ATP9A: variants seen among roughly 807,000 people sequenced by gnomAD.
ATP9A encodes probable phospholipid-transporting ATPase IIA.
ATP9A carries 52 observed loss-of-function variants against 144.1 expected under a neutral mutation model. That is an observed-to-expected ratio of 0.36 (90% CI 0.29 to 0.45). ATP9A has a LOEUF of 0.45. ATP9A is among the 20% of genes least tolerant of loss of function. The pLI is 1.00. For synonymous variants in ATP9A, 582 were observed against 557.4 expected (o/e 1.04, Z -0.62); for missense variants, 947 against 1,392.7 (o/e 0.68, Z 5.09).
At chr20:51,721,404 G>A (rs1240816830) in intron 3 of ATP9A, among the ~76,000 whole-genome samples, 3 of 152,152 alleles carry the variant, frequency 2.0e-5, no homozygotes, top group African/African-American at 7.2e-5. Context: ...GTGGATTCCT[G>A]AGCCCAGGAG....
rs768248946 is a variant in ATP9A, at chr20:51,639,460, C to T, written c.1551G>A (p.Val517=). ...QWTESVGLTL[V]GRDQSSMQLR... is the part of the protein sequence containing the mutation. ...GCTGCATGGAAGACTGGTCTCGGCC[C>T]ACCAGGGTTAAGCCCACACTTTCCG... Residue 517 remains valine (V), a synonymous_variant, in exon 15 of 28, where the codon GTG becomes GTA. Transcript: ENST00000338821. 6.2e-7 allele frequency: 1 copy of T among 1,613,736 alleles called. No individual in the cohort carries two copies. Among genetic ancestry groups the T allele is most frequent in the Non-Finnish European group, 8.5e-7 (1 of 1,179,780 alleles).
At chr20:51,743,395 G>GCTTTTTT (rs1489280599) in intron 1 of ATP9A, among the ~76,000 whole-genome samples, 1 of 43,430 alleles carries the variant, frequency 2.3e-5, no homozygotes. Context: ...GACCGAAACT[G>GCTTTTTT]ATTTTTTTTT....
chr20:51,657,081 G>C lies in ATP9A; in HGVS notation c.1363C>G (p.Arg455Gly). The C allele has an allele frequency of 6.2e-7, 1 of 1,614,204 alleles. No homozygotes were observed. Among genetic ancestry groups the C allele is most frequent in the Non-Finnish European group, 8.5e-7 (1 of 1,180,052 alleles). The change falls in exon 14 of 28, where the codon CGC becomes GGC. Residue 455 changes from arginine to glycine, a missense_variant. Transcript: ENST00000338821. ...TTKVRRTMSSRVHEAVKAIAL... is the reference protein window; with the variant it reads ...TTKVRRTMSSGVHEAVKAIAL... ...ATGGCCTTCACGGCTTCGTGCACGC[G>C]GCTGCTCATGGTCCGCCGGACCTTA...
chr20:51,744,704 T>C (rs1408886604), intron 1 of ATP9A, among the ~76,000 whole-genome samples: 1 of 152,324 alleles, frequency 6.6e-6, no homozygotes, highest in Non-Finnish European at 1.5e-5. Flanking sequence ...GGAGTTCCCC[T>C]ATAATCAGTT....
intron 25 of ATP9A, among the ~76,000 whole-genome samples, chr20:51,608,295 T>C (rs1245879154): frequency 6.6e-6 from 1 of 152,186 alleles, no homozygotes; most frequent in Admixed American, 6.5e-5. Flanking sequence ...TTACTGTACT[T>C]TTTCACGTTC....
rs572123639 is a variant in ATP9A, at chr20:51,728,470, T to C, written c.213+1364A>G. Among the ~76,000 whole-genome samples the C allele has an allele frequency of 3.3e-5, 5 of 151,884 alleles. No homozygotes were observed. The South Asian group carries it at 8.3e-4, about 25-fold the overall frequency. ...GGTGAAACTCCGTCTCTACTAAAAA[T>C]ACAAAAAATTAGCCGGGCGTGGTGG... On this transcript the variant is annotated intron_variant, in intron 2 of 27. Coordinates refer to ENST00000338821, the MANE Select transcript of ATP9A (RefSeq NM_006045.3).
At chr20:51,740,771 C>T (rs1234114493) in intron 1 of ATP9A, among the ~76,000 whole-genome samples, 1 of 147,916 alleles carries the variant, frequency 6.8e-6, no homozygotes, top group Non-Finnish European at 1.5e-5. Flanking sequence ...AAGACAGTCT[C>T]ACTATGTTGC....
intron 14 of ATP9A, among the ~76,000 whole-genome samples, chr20:51,655,522 C>A (rs191249842): frequency 1.3e-5 from 2 of 152,134 alleles, no homozygotes; most frequent in Admixed American, 6.5e-5. Flanking sequence ...AATAAGCATA[C>A]GAAAAGACGC....
chr20:51,761,162 G>A (rs1443380947), intron 1 of ATP9A, among the ~76,000 whole-genome samples: 1 of 152,116 alleles, frequency 6.6e-6, no homozygotes, highest in Non-Finnish European at 1.5e-5. Context: ...AACATCAAAG[G>A]GCCATTGTGC....
chr20:51,747,824 C>T (rs182527526), intron 1 of ATP9A, among the ~76,000 whole-genome samples: 10 of 152,290 alleles, frequency 6.6e-5, no homozygotes, highest in Admixed American at 6.5e-4. Context: ...CCAAGGCTCT[C>T]ACCTTCTCAC....
At chr20:51,602,897 G>C (rs929339442) in intron 27 of ATP9A, among the ~76,000 whole-genome samples, 42 of 152,090 alleles carry the variant, frequency 2.8e-4, no homozygotes, top group African/African-American at 9.2e-4. Context: ...TCCTTTATAC[G>C]TAAAAGGTTA....
chr20:51,727,239 C>T (rs2077718680), intron 2 of ATP9A, among the ~76,000 whole-genome samples: 1 of 151,152 alleles, frequency 6.6e-6, no homozygotes, highest in African/African-American at 2.4e-5. Context: ...CGCGCCACTA[C>T]ACTCCAGCCT....
At chr20:51,671,305 T>A (rs2077455030) in intron 11 of ATP9A, 48 bp from the exon 12 acceptor site, 2 of 1,583,300 alleles carry the variant, frequency 1.3e-6, no homozygotes, top group African/African-American at 2.7e-5. Context: ...GATGTAAGGC[T>A]CCTTGTATCT....
intron 9 of ATP9A, among the ~76,000 whole-genome samples, chr20:51,681,427 C>CTTTTTTTT (rs66579534): frequency 4.6e-5 from 6 of 131,616 alleles, no homozygotes; most frequent in African/African-American, 5.8e-5. Context: ...TCCTAAATTT[C>CTTTTTTTT]TTTTTTTTTT....
chr20:51,740,855 G>A (rs1392675360), intron 1 of ATP9A, among the ~76,000 whole-genome samples: 1 of 151,890 alleles, frequency 6.6e-6, no homozygotes, highest in East Asian at 1.9e-4. Context: ...GATTACAGAT[G>A]TGAGCCACAA....
chr20:51,634,654 G>A (rs1481435673), intron 15 of ATP9A, among the ~76,000 whole-genome samples: 4 of 152,078 alleles, frequency 2.6e-5, no homozygotes, highest in Middle Eastern at 3.4e-3. Flanking sequence ...TCGGGAGTTC[G>A]AGACCAGCCT....
In ATP9A at chr20:51,682,370, T is replaced by C. The variant is rs535851897; in HGVS notation, c.800-6162A>G. 2.6e-5 allele frequency among the ~76,000 whole-genome samples: 4 copies of C among 152,106 alleles called. No homozygotes were observed. In the East Asian group the frequency reaches 7.7e-4, roughly 29 times the overall value. ...AACCGTCCACAAAAAATGAAGTACG[T>C]CCTATTCACGTGGCTGTCTAGTAAG... is the stretch of plus-strand genomic sequence containing the variant. On this transcript the variant is annotated intron_variant, in intron 9 of 27. Coordinates refer to ENST00000338821, the MANE Select transcript of ATP9A (RefSeq NM_006045.3).
intron 1 of ATP9A, among the ~76,000 whole-genome samples, chr20:51,749,268 A>AT (rs904755650): frequency 5.5e-4 from 82 of 148,398 alleles, no homozygotes; most frequent in East Asian, 5.1e-3. Context: ...CGAGCTCAGA[A>AT]TTTTTTTTTT....
At chr20:51,747,423 C>A (rs2077813473) in intron 1 of ATP9A, among the ~76,000 whole-genome samples, 2 of 152,138 alleles carry the variant, frequency 1.3e-5, no homozygotes, top group Middle Eastern at 6.8e-3. Context: ...GACAAAGGCA[C>A]CCCCTGTGCA....
Sources: allele counts gnomAD v4.1 joint callset (sites outside exome capture counted in the v4.1 genomes callset), GRCh38; gene constraint gnomAD v4.1.1; transcripts MANE v1.5; gene names NCBI Gene and HGNC (gene_info 2026-07-23, HGNC 2026-07-21).